MAL: variants seen among roughly 807,000 people sequenced by gnomAD.
The protein encoded by MAL is mal, T cell differentiation protein (MAL blood group).
A neutral mutation model predicts 16.7 loss-of-function variants in MAL; 5 were observed. The ratio of observed to expected loss-of-function variants is 0.30; its 90% confidence interval spans 0.16 to 0.63. The LOEUF (loss-of-function observed/expected upper bound fraction) is 0.63. Among genes scored for constraint, MAL ranks in the 30% least tolerant of loss-of-function variants. The pLI is 0.82. For missense variants in MAL, 202 were observed against 195.8 expected, an observed-to-expected ratio of 1.03 and a Z score of -0.19; for synonymous variants, 96 against 85.5, an observed-to-expected ratio of 1.12 and a Z score of -0.67.
chr2:95,028,020 A>G (rs538350432), intron 1 of MAL, among the ~76,000 whole-genome samples: 1 of 152,204 alleles, frequency 6.6e-6, no homozygotes, highest in South Asian at 2.1e-4. Context: ...TTGAAACCAC[A>G]ATGAGGCCAG....
intron 1 of MAL, among the ~76,000 whole-genome samples, chr2:95,037,227 A>AAGTGAGTGAGTGACTGAGTG (rs1290559313): frequency 1.4e-5 from 1 of 70,042 alleles, no homozygotes; most frequent in Admixed American, 1.3e-4. Flanking sequence ...CTGAGTGACC[A>AAGTGAGTGAGTGACTGAGTG]AGTGAGTGAG....
At position 95,045,264 on chromosome 2, in the gene MAL, G is replaced by A. The variant is rs997446946; in HGVS notation, c.94-2695G>A. On this transcript the variant is annotated intron_variant, in intron 1 of 3. Coordinates refer to ENST00000309988, the MANE Select transcript of MAL (RefSeq NM_002371.4). ...TAGCATGTGTATAGGTCACCCGTAA[G>A]CGCCTCTGGCCCACGGGGTCCCACT... 3.9e-5 allele frequency among the ~76,000 whole-genome samples: 6 copies of A among 152,294 alleles called. No individual in the cohort carries two copies. The South Asian group carries it at 1.0e-3, about 26-fold the overall frequency.
chr2:95,046,631 C>G (rs1366403741), intron 1 of MAL, among the ~76,000 whole-genome samples: 1 of 152,078 alleles, frequency 6.6e-6, no homozygotes, highest in African/African-American at 2.4e-5. Context: ...ATGGGGCTCA[C>G]TGACCCTGGC....
In MAL at chr2:95,025,904, G is replaced by C; in HGVS notation, c.93+19G>C. ...TGAGTTTGTGAGTGGCTCCTGGCCG[G>C]GGAAGGGACGGGGTGGGCTGAGCCG... is the stretch of plus-strand genomic sequence containing the variant. On this transcript the variant is annotated intron_variant, in intron 1 of 3. Coordinates refer to ENST00000309988, the MANE Select transcript of MAL (RefSeq NM_002371.4). This position sits in a 1 kb window ranked among gnomAD's most constrained non-coding sequence, Gnocchi z 5.6. 6.5e-7 allele frequency: 1 copy of C among 1,533,534 alleles called. No individual in the cohort carries two copies. 95.0% of individuals were successfully genotyped at this position (1,533,534 alleles called of 1,614,324 possible).
rs1191422864 is a variant in MAL, at chr2:95,053,670, G to C, written c.*215G>C. 5.2e-6 allele frequency: 3 copies of C among 572,720 alleles called. No homozygotes were observed. Among genetic ancestry groups the C allele is most frequent in the Non-Finnish European group, 9.3e-6 (3 of 321,924 alleles). 35.5% of individuals were successfully genotyped at this position (572,720 alleles called of 1,614,324 possible). On this transcript the variant is annotated 3_prime_UTR_variant, in exon 4 of 4. Coordinates refer to ENST00000309988, the MANE Select transcript of MAL (RefSeq NM_002371.4). ...CGCGTCCGGGTTGGGAGCTTGCTGTGTCTAACCTCCAACTGCTGTGCTGTC... is the reference window on the plus strand; with the variant it reads ...CGCGTCCGGGTTGGGAGCTTGCTGTCTCTAACCTCCAACTGCTGTGCTGTC...
intron 3 of MAL, among the ~76,000 whole-genome samples, chr2:95,052,651 G>A (rs1254994814): frequency 1.3e-5 from 2 of 152,190 alleles, no homozygotes; most frequent in African/African-American, 2.4e-5. Flanking sequence ...CTTGGCAGCA[G>A]GCAGGCCTTC....
rs200135924 is a variant in MAL, at chr2:95,049,640, C to G, written c.321C>G (p.Ala107=). The change falls in exon 3 of 4, where the codon GCC becomes GCG. Residue 107 remains alanine, a synonymous_variant. Coordinates refer to ENST00000309988, the MANE Select transcript of MAL (RefSeq NM_002371.4). ...LFYLSASVLE[A]LATITMQDGF... is the part of the protein sequence containing the mutation. ...ACCTCAGCGCCTCAGTCCTGGAGGC[C>G]CTGGCCACCATCACGATGCAAGACG... 6.2e-7 allele frequency: 1 copy of G among 1,614,222 alleles called. No homozygotes were observed. Among genetic ancestry groups the G allele is most frequent in the South Asian group, 1.1e-5 (1 of 91,086 alleles).
intron 1 of MAL, among the ~76,000 whole-genome samples, chr2:95,043,758 C>T (rs1674523355): frequency 6.6e-6 from 1 of 152,210 alleles, no homozygotes; most frequent in Admixed American, 6.5e-5. Flanking sequence ...CCCTCCTCCG[C>T]CCTGTCCCCC....
At position 95,036,909 on chromosome 2, in the gene MAL, GTGAGTGAC is replaced by G. The variant is rs1397779415; in HGVS notation, c.94-11036_94-11029del. Among the ~76,000 whole-genome samples the G allele has an allele frequency of 1.8e-4, 27 of 151,988 alleles. No homozygotes were observed. In the South Asian group the frequency reaches 5.6e-3, roughly 32 times the overall value. On this transcript the variant is annotated intron_variant, in intron 1 of 3. Coordinates refer to ENST00000309988, the MANE Select transcript of MAL (RefSeq NM_002371.4). Reference sequence around the variant, plus strand: ...ACTGAGTGGGTGAGTGAGTGACTGAGTGAGTGACTGAGTGACTGAGTAGGTGAGTGACT... The same window carrying G: ...ACTGAGTGGGTGAGTGAGTGACTGAGTGAGTGACTGAGTAGGTGAGTGACT...
At chr2:95,027,109 C>A (rs143014059) in intron 1 of MAL, among the ~76,000 whole-genome samples, 1 of 152,124 alleles carries the variant, frequency 6.6e-6, no homozygotes, top group East Asian at 1.9e-4. Context: ...TTAGAAGAAA[C>A]CCTGGACGCC....
chr2:95,038,744 GTGAC>G (rs767357229), intron 1 of MAL, among the ~76,000 whole-genome samples: 169 of 151,822 alleles, frequency 1.1e-3, no homozygotes, highest in African/African-American at 2.7e-3. Flanking sequence ...GAGTGAGTAA[GTGAC>G]TGACTGACTG....
rs753710631 is a variant in MAL, at chr2:95,049,618, T to A, written c.299T>A (p.Leu100His). 9.3e-6 allele frequency: 15 copies of A among 1,614,130 alleles called. No homozygotes were observed. The highest frequency in any genetic ancestry group is 1.1e-5 in the Non-Finnish European group (13 of 1,180,024). The change falls in exon 3 of 4, where the codon CTC becomes CAC. Residue 100 changes from leucine to histidine, a missense_variant. By Grantham distance (99) the Leu-to-His change is moderately conservative. Coordinates refer to ENST00000309988, the MANE Select transcript of MAL (RefSeq NM_002371.4). ...CACTGCACCGCTGCCCTCTTTTACC[T>A]CAGCGCCTCAGTCCTGGAGGCCCTG... Reference protein sequence around the residue: ...AYHCTAALFYLSASVLEALAT... With the variant: ...AYHCTAALFYHSASVLEALAT...
chr2:95,046,305 C>A (rs1013073252), intron 1 of MAL, among the ~76,000 whole-genome samples: 15 of 152,186 alleles, frequency 9.9e-5, no homozygotes, highest in Admixed American at 2.6e-4. Flanking sequence ...ACCTTGGAGA[C>A]TTTTGGCTGC....
intron 1 of MAL, among the ~76,000 whole-genome samples, chr2:95,039,596 GTGAC>G (rs1674390044): frequency 6.6e-6 from 1 of 151,582 alleles, no homozygotes; most frequent in African/African-American, 2.4e-5. Context: ...GGGTGGGTGA[GTGAC>G]TGAGTGAGTG....
At chr2:95,050,669 G>C (rs1674695963) in intron 3 of MAL, among the ~76,000 whole-genome samples, 1 of 152,164 alleles carries the variant, frequency 6.6e-6, no homozygotes, top group Non-Finnish European at 1.5e-5. Context: ...CTCACTTGCT[G>C]GTCCCCTTGC....
rs80346221 is a variant in MAL, at chr2:95,033,372, A to C, written c.93+7487A>C. ...ATGTGTCTTAAACACAAACCTTGCT[A>C]TTGTTTTCCTCTGAAGAAACAGAGG... On this transcript the variant is annotated intron_variant, in intron 1 of 3. Coordinates refer to ENST00000309988, the MANE Select transcript of MAL (RefSeq NM_002371.4). 9.1e-4 allele frequency among the ~76,000 whole-genome samples: 138 copies of C among 152,138 alleles called. 1 individual carries two copies. The highest frequency in any genetic ancestry group is 3.2e-3 in the African/African-American group (131 of 41,510).
chr2:95,029,874 G>C (rs955952618), intron 1 of MAL, among the ~76,000 whole-genome samples: 4 of 152,206 alleles, frequency 2.6e-5, no homozygotes, highest in African/African-American at 9.7e-5. Flanking sequence ...AGCAGCACAT[G>C]AAAGTCGCCA....
intron 1 of MAL, among the ~76,000 whole-genome samples, chr2:95,033,406 A>T (rs1674133556): frequency 6.6e-6 from 1 of 151,654 alleles, no homozygotes; most frequent in Admixed American, 6.6e-5. Flanking sequence ...GGATATTGAG[A>T]CTCATTGTTT....
At chr2:95,027,364 C>A (rs929466036) in intron 1 of MAL, among the ~76,000 whole-genome samples, 1 of 152,198 alleles carries the variant, frequency 6.6e-6, no homozygotes, top group African/African-American at 2.4e-5. Flanking sequence ...GGCTTTGTGG[C>A]CTGCCGGTAG....
Sources: allele counts gnomAD v4.1 joint callset (sites outside exome capture counted in the v4.1 genomes callset), GRCh38; gene constraint gnomAD v4.1.1; non-coding constraint Gnocchi (gnomAD v3.1); transcripts MANE v1.5; gene names NCBI Gene and HGNC (gene_info 2026-07-23, HGNC 2026-07-21).